The following FAM47E variants were observed in gnomAD, a reference collection of about 807,000 sequenced individuals.
The protein encoded by FAM47E is protein FAM47E.
Under a neutral mutation model 41.6 loss-of-function variants are expected in FAM47E, and 32 were observed. The ratio of observed to expected loss-of-function variants is 0.77; its 90% CI spans 0.58 to 1.03. The LOEUF is 1.03. Among genes scored for constraint, FAM47E ranks in the 50% least tolerant of loss-of-function variants. The pLI, the probability that FAM47E is intolerant of heterozygous loss-of-function variation, is 0.00. For missense variants in FAM47E, 424 were observed against 485.4 expected (o/e 0.87, Z 1.19); for synonymous variants, 184 against 188.7 (o/e 0.98, Z 0.20).
At chr4:76,251,616 G>C (rs1293864747), upstream of FAM47E, 28 of 1,344,304 alleles carry the variant, frequency 2.1e-5, 1 homozygote, top group African/African-American at 4.6e-5. Context: ...ACCGCGCAGC[G>C]GGGCGTCAGA....
chr4:76,273,844 G>T (rs4859439), intron 5 of FAM47E, among the ~76,000 whole-genome samples: 54,041 of 150,770 alleles, frequency 0.36, 10,183 homozygotes, highest in Admixed American at 0.42. Flanking sequence ...TGGCTATGTC[G>T]TTAAATTCTC....
chr4:76,238,301 G>A (rs915209187), intron 2 of FAM47E, among the ~76,000 whole-genome samples: 1 of 152,178 alleles, frequency 6.6e-6, no homozygotes, highest in African/African-American at 2.4e-5. Context: ...CAGGAGCTAG[G>A]AACGGGGTTT....
upstream of FAM47E, chr4:76,251,659 G>A: frequency 7.4e-7 from 1 of 1,359,444 alleles, no homozygotes; most frequent in African/African-American, 1.5e-5. Context: ...TACCGGCAGC[G>A]GTGGTTGTGC....
At chr4:76,277,485 G>A (rs977626944) in intron 5 of FAM47E, among the ~76,000 whole-genome samples, 5 of 149,394 alleles carry the variant, frequency 3.3e-5, no homozygotes, top group East Asian at 2.0e-4. Flanking sequence ...GCGAGACTCC[G>A]TCTCAAAAAA....
chr4:76,270,120 C>T (rs1025026025), intron 4 of FAM47E, among the ~76,000 whole-genome samples: 2 of 152,168 alleles, frequency 1.3e-5, no homozygotes, highest in Non-Finnish European at 2.9e-5. Flanking sequence ...TCAGGCACAG[C>T]TGGATCCAGG....
intron 7 of FAM47E, chr4:76,282,454 G>A (rs954578372): frequency 3.3e-5 from 5 of 152,328 alleles, no homozygotes; most frequent in Non-Finnish European, 7.3e-5. Flanking sequence ...TTCTGGGATA[G>A]GAATGTTGGT....
chr4:76,257,925 T>A (rs1337717380), intron 2 of FAM47E, among the ~76,000 whole-genome samples: 1 of 151,674 alleles, frequency 6.6e-6, no homozygotes, highest in East Asian at 1.9e-4. Flanking sequence ...ATAAATAATT[T>A]TGAATGAATG....
At chr4:76,272,202 G>T (rs1263741712) in intron 5 of FAM47E, among the ~76,000 whole-genome samples, 1 of 152,172 alleles carries the variant, frequency 6.6e-6, no homozygotes, top group Non-Finnish European at 1.5e-5. Flanking sequence ...CTTGCCTAAT[G>T]ATTAACAAGT....
upstream of FAM47E, among the ~76,000 whole-genome samples, chr4:76,250,459 A>T (rs907283397): frequency 5.3e-5 from 8 of 152,052 alleles, no homozygotes; most frequent in Non-Finnish European, 1.0e-4. Context: ...TCTGAATATT[A>T]GTCCTTTGTT....
intron 2 of FAM47E, among the ~76,000 whole-genome samples, chr4:76,219,181 C>G (rs527403335): frequency 1.3e-4 from 20 of 152,250 alleles, no homozygotes; most frequent in Admixed American, 9.2e-4. Context: ...AGCAATGGCA[C>G]TGGAATACTC....
At chr4:76,275,212 A>C (rs932095179) in intron 5 of FAM47E, among the ~76,000 whole-genome samples, 1 of 152,086 alleles carries the variant, frequency 6.6e-6, no homozygotes. Flanking sequence ...TCTTTGGTGT[A>C]TGAGCTTTCC....
At chr4:76,246,950 T>A (rs982375489), upstream of FAM47E, among the ~76,000 whole-genome samples, 4 of 152,180 alleles carry the variant, frequency 2.6e-5, no homozygotes, top group Non-Finnish European at 4.4e-5. Flanking sequence ...TGTCAAAATA[T>A]ATGTAACATG....
At chr4:76,260,170 G>A (rs6813980) in intron 2 of FAM47E, among the ~76,000 whole-genome samples, 85,627 of 151,936 alleles carry the variant, frequency 0.56, 24,745 homozygotes, top group Middle Eastern at 0.65. Context: ...TGCCATTCCT[G>A]TAAAATTACC....
chr4:76,226,291 A>G (rs1159473937), intron 2 of FAM47E, among the ~76,000 whole-genome samples: 2 of 152,320 alleles, frequency 1.3e-5, no homozygotes, highest in East Asian at 3.9e-4. Flanking sequence ...ACATGAGGAC[A>G]TTGAGGGTAG....
At chr4:76,275,500 T>C (rs1735058140) in intron 5 of FAM47E, among the ~76,000 whole-genome samples, 1 of 152,210 alleles carries the variant, frequency 6.6e-6, no homozygotes, top group African/African-American at 2.4e-5. Flanking sequence ...CCGACCACTA[T>C]GTGTCCAAAA....
At chr4:76,226,147 C>T (rs9992683) in intron 2 of FAM47E, among the ~76,000 whole-genome samples, 16,557 of 152,164 alleles carry the variant, frequency 0.11, 1,242 homozygotes, top group East Asian at 0.41. Flanking sequence ...AGAGTACATA[C>T]GGTGGGTCCA....
At chr4:76,237,166 C>T (rs1266019116) in intron 2 of FAM47E, among the ~76,000 whole-genome samples, 19 of 151,844 alleles carry the variant, frequency 1.3e-4, no homozygotes, top group African/African-American at 2.4e-5. Flanking sequence ...AAGTGCTGGG[C>T]TTACAGGTGT....
chr4:76,266,403 G>A (rs11097314), intron 3 of FAM47E, among the ~76,000 whole-genome samples: 53,639 of 152,030 alleles, frequency 0.35, 10,139 homozygotes, highest in Admixed American at 0.42. Context: ...CCCCAGTTCA[G>A]TAAATGGGAA....
At chr4:76,259,146 T>C (rs964359856) in intron 2 of FAM47E, among the ~76,000 whole-genome samples, 4 of 152,160 alleles carry the variant, frequency 2.6e-5, no homozygotes, top group African/African-American at 9.7e-5. Flanking sequence ...TCTGCCAAAT[T>C]ATTCAATTGT....
Sources: allele counts gnomAD v4.1 joint callset (sites outside exome capture counted in the v4.1 genomes callset), GRCh38; gene constraint gnomAD v4.1.1; transcripts MANE v1.5; gene names NCBI Gene and HGNC (gene_info 2026-07-23, HGNC 2026-07-21).